Variants in OSBP2 observed in about 807,000 individuals in gnomAD.
OSBP2 encodes the protein oxysterol-binding protein 2.
In OSBP2, 66 loss-of-function variants were observed where a neutral mutation model predicts 96.0. That is an observed-to-expected ratio of 0.69 (90% confidence interval 0.56 to 0.84). OSBP2 has a LOEUF of 0.84. Ranked by LOEUF, OSBP2 falls within the 40% of genes least tolerant of loss-of-function variation. The pLI, the probability that OSBP2 is intolerant of heterozygous loss-of-function variation, is 0.00. For synonymous variants in OSBP2, 525 were observed against 520.9 expected, an observed-to-expected ratio of 1.01 and a Z score of -0.11; for missense variants, 1,038 against 1,222.7, an observed-to-expected ratio of 0.85 and a Z score of 2.25.
At chr22:30,724,894 C>A (rs2089615732) in intron 1 of OSBP2, among the ~76,000 whole-genome samples, 1 of 152,150 alleles carries the variant, frequency 6.6e-6, no homozygotes, top group African/African-American at 2.4e-5. Context: ...AATTTATAAG[C>A]CGGGCGCAGT....
In OSBP2 at chr22:30,822,684, C is replaced by T. The variant is rs577642395; in HGVS notation, c.854-47745C>T. The T allele has an allele frequency of 1.5e-5, 23 of 1,533,752 alleles. No individual in the cohort carries two copies. The East Asian group carries it at 4.4e-4, about 29-fold the overall frequency. On this transcript the variant is annotated intron_variant, in intron 2 of 13. Coordinates refer to ENST00000332585, the MANE Select transcript of OSBP2 (RefSeq NM_030758.4). ...CCTCCGTGCGCTCCTTCTGCAGCTC[C>T]GGCTGCCTGAATAAATTTAAGAAGG...
At chr22:30,822,190 C>T (rs1297471047) in intron 2 of OSBP2, among the ~76,000 whole-genome samples, 3 of 152,272 alleles carry the variant, frequency 2.0e-5, no homozygotes, top group Non-Finnish European at 4.4e-5. Context: ...CCCCATTTCC[C>T]GCGTGCCCCT....
rs112908034 is a variant in OSBP2 at position 30,717,090 on chromosome 22, T to G, written c.644+21537T>G. ...CTATTTTGTTTTAATTTTACTGTTT[T>G]TGTGTGTGTGTGTGTGTGTGTGTGT... is the stretch of plus-strand genomic sequence containing the variant. On this transcript the variant is annotated intron_variant, in intron 1 of 13. Transcript: ENST00000332585. Among the ~76,000 whole-genome samples the G allele has an allele frequency of 6.8e-4, 81 of 118,410 alleles. 3 individuals are homozygous for G. The Middle Eastern group carries it at 0.012, about 18-fold the overall frequency. The allele number at this position is 118,410 out of a possible 152,430, so 77.7% of individuals were successfully genotyped here.
At chr22:30,829,517 T>G (rs2038479047) in intron 2 of OSBP2, among the ~76,000 whole-genome samples, 1 of 152,148 alleles carries the variant, frequency 6.6e-6, no homozygotes, top group Admixed American at 6.5e-5. Flanking sequence ...GGTCTTGAAC[T>G]CCTGAACTCA....
intron 12 of OSBP2, among the ~76,000 whole-genome samples, chr22:30,903,704 G>A (rs1368977447): frequency 1.3e-5 from 2 of 152,208 alleles, no homozygotes; most frequent in Non-Finnish European, 2.9e-5. Flanking sequence ...GGGGGATAGC[G>A]CCGGCACTGC....
intron 2 of OSBP2, among the ~76,000 whole-genome samples, chr22:30,847,781 A>G (rs1160233928): frequency 6.6e-6 from 1 of 152,060 alleles, no homozygotes; most frequent in Non-Finnish European, 1.5e-5. Context: ...GTTGCTCATG[A>G]TATTTCCTTG....
intron 1 of OSBP2, among the ~76,000 whole-genome samples, chr22:30,701,736 G>C (rs2089166845): frequency 6.6e-6 from 1 of 152,194 alleles, no homozygotes; most frequent in Non-Finnish European, 1.5e-5. Flanking sequence ...GAGGGTGCAA[G>C]TGTGCAGGGT....
Position 30,889,490 on chromosome 22 carries a change from G to A in OSBP2, c.1477G>A (p.Val493Ile), listed in dbSNP as rs180898388. The change falls in exon 7 of 14, where the codon GTA (valine) becomes ATA (isoleucine). Residue 493 changes from valine (V) to isoleucine (I), a missense_variant and splice_region_variant. This residue lies in a region of OSBP2 where 737 missense variants were observed against 913.3 expected (regional missense o/e 0.81). Coordinates refer to ENST00000332585, the MANE Select transcript of OSBP2 (RefSeq NM_030758.4). ...SSVDWSSADNVLDGASLVPKG... is the reference protein window; with the variant it reads ...SSVDWSSADNILDGASLVPKG... ...GAGGGGGTCCCCACTTATGTGGCAGGTACTAGATGGTGCCTCGCTCGTGCC... is the reference window on the plus strand; with the variant it reads ...GAGGGGGTCCCCACTTATGTGGCAGATACTAGATGGTGCCTCGCTCGTGCC... The A allele has an allele frequency of 1.4e-5, 23 of 1,614,050 alleles. No homozygotes were observed. In the African/African-American group the frequency reaches 2.9e-4, roughly 21 times the overall value.
chr22:30,767,308 T>A (rs2090287730), intron 2 of OSBP2, among the ~76,000 whole-genome samples: 1 of 150,656 alleles, frequency 6.6e-6, no homozygotes, highest in Non-Finnish European at 1.5e-5. Flanking sequence ...AGACTTTCTC[T>A]CTCTTAAAAA....
chr22:30,891,935 A>T (rs2039957521), intron 8 of OSBP2, among the ~76,000 whole-genome samples: 1 of 152,156 alleles, frequency 6.6e-6, no homozygotes, highest in Admixed American at 6.5e-5. Flanking sequence ...CTCTTTTAGA[A>T]AGGGGGTGGT....
intron 1 of OSBP2, among the ~76,000 whole-genome samples, chr22:30,715,793 G>A (rs1472531669): frequency 6.6e-6 from 1 of 151,446 alleles, no homozygotes. Context: ...CTGACCGCAG[G>A]CGACCTTCCC....
At chr22:30,738,402 C>T (rs901343239) in intron 1 of OSBP2, among the ~76,000 whole-genome samples, 8 of 152,102 alleles carry the variant, frequency 5.3e-5, no homozygotes, top group Non-Finnish European at 8.8e-5. Context: ...TGCCCAGCTT[C>T]ACCAGTTTTC....
intron 2 of OSBP2, among the ~76,000 whole-genome samples, chr22:30,841,181 A>C (rs1442236128): frequency 2.6e-5 from 4 of 152,150 alleles, no homozygotes; most frequent in African/African-American, 9.7e-5. Context: ...ACAAAAAAAC[A>C]AAAAATAAAT....
At chr22:30,722,558 A>G (rs1363627168) in intron 1 of OSBP2, among the ~76,000 whole-genome samples, 1 of 151,962 alleles carries the variant, frequency 6.6e-6, no homozygotes, top group East Asian at 1.9e-4. Flanking sequence ...AAATTTCCCC[A>G]CTGATTTATA....
In OSBP2 at chr22:30,694,882, C is replaced by T. The variant is rs548544116; in HGVS notation, c.-28C>T. ...GCCTGCCCCCCGCCCCCACTGGCCG[C>T]TCGGCCGCGCGCGGGTCGGCCGGCT... On this transcript the variant is annotated 5_prime_UTR_variant, in exon 1 of 14. Transcript: ENST00000332585. 910 of 1,153,840 alleles carry T rather than the reference C, an allele frequency of 7.9e-4. 10 individuals carry two copies. The African/African-American group carries it at 0.014, about 17-fold the overall frequency. 71.5% of individuals were successfully genotyped at this position (1,153,840 alleles called of 1,614,324 possible).
intron 2 of OSBP2, among the ~76,000 whole-genome samples, chr22:30,810,732 G>A (rs549231586): frequency 1.3e-5 from 2 of 152,132 alleles, no homozygotes; most frequent in South Asian, 2.1e-4. Flanking sequence ...ATTGTGCCAC[G>A]GGTGCGCCAA....
chr22:30,797,491 C>T (rs949684814), intron 2 of OSBP2, among the ~76,000 whole-genome samples: 9 of 152,154 alleles, frequency 5.9e-5, no homozygotes, highest in Admixed American at 5.9e-4. Context: ...ACCATGTTGG[C>T]CAGGCTGGTC....
chr22:30,903,135 T>G (rs1192007593), intron 12 of OSBP2, among the ~76,000 whole-genome samples: 1 of 152,006 alleles, frequency 6.6e-6, no homozygotes, highest in Non-Finnish European at 1.5e-5. Flanking sequence ...TACTGCATCA[T>G]TTTTCTCCTT....
chr22:30,866,241 C>A (rs1373118961), intron 2 of OSBP2, among the ~76,000 whole-genome samples: 1 of 152,214 alleles, frequency 6.6e-6, no homozygotes, highest in African/African-American at 2.4e-5. Context: ...GGGCCCAGCA[C>A]AATCACTGGA....
Sources: gnomAD v4.1 joint callset for allele counts (sites outside exome capture counted in the v4.1 genomes callset) on GRCh38, gnomAD v4.1.1 for gene constraint, gnomAD v4.1.1 regional missense constraint, MANE v1.5 for transcripts, NCBI Gene and HGNC (gene_info 2026-07-23, HGNC 2026-07-21) for gene names.